IMMP2L: variants seen among roughly 807,000 people sequenced by gnomAD.
IMMP2L encodes mitochondrial inner membrane protease subunit 2.
In IMMP2L, 18 loss-of-function variants were observed where a neutral mutation model predicts 19.3. The observed-to-expected ratio is 0.93, with a 90% CI of 0.64 to 1.38. The LOEUF (loss-of-function observed/expected upper bound fraction) is 1.38, where lower values mean the gene tolerates loss of function less well. IMMP2L is among the 40% of genes most tolerant of loss of function. The probability of loss-of-function intolerance (pLI) is 0.00; values close to 1 mark genes in which losing one functional copy is unlikely to be tolerated. For missense variants in IMMP2L, 233 were observed against 218.2 expected, an observed-to-expected ratio of 1.07 and a Z score of -0.43; for synonymous variants, 76 against 73.0, an observed-to-expected ratio of 1.04 and a Z score of -0.21.
chr7:111,048,378 G>A lies in IMMP2L; in HGVS notation c.240-84813C>T, dbSNP rs377114454. Among the ~76,000 whole-genome samples the A allele has an allele frequency of 1.3e-4, 19 of 151,988 alleles. No individual in the cohort carries two copies. The South Asian group carries it at 4.0e-3, about 32-fold the overall frequency. ...TGCTCTTGTTAACTGGACTCTGCAA[G>A]CAGTGAGCATCTGGGCCTGCTTGGC... is the stretch of plus-strand genomic sequence containing the variant. On this transcript the variant is annotated intron_variant, in intron 3 of 5. Transcript: ENST00000405709.
chr7:111,317,366 C>G lies in IMMP2L; in HGVS notation c.239+169872G>C, dbSNP rs1824221508. Among the ~76,000 whole-genome samples, 5 of 152,062 alleles carry G rather than the reference C, an allele frequency of 3.3e-5. No individual in the cohort carries two copies. The South Asian group carries it at 1.0e-3, about 32-fold the overall frequency. The stretch of plus-strand genomic sequence containing the variant: ...TCATTATTCAGACATAATGTAGAAA[C>G]AAAGGATTTTGCCAAGCTTAATATG... On this transcript the variant is annotated intron_variant, in intron 3 of 5. Coordinates refer to ENST00000405709, the MANE Select transcript of IMMP2L (RefSeq NM_032549.4).
Position 110,797,701 on chromosome 7 carries a change from T to G in IMMP2L, c.408+88892A>C, listed in dbSNP as rs149608212. Among the ~76,000 whole-genome samples the G allele has an allele frequency of 4.7e-3, 721 of 152,112 alleles. 5 individuals carry two copies. The highest frequency in any genetic ancestry group is 0.016 in the African/African-American group (684 of 41,534). ...AACTGATTACTTTATTCACATGCTATTTATTGGTTCCCTGCTATATGGAAG... is the reference window on the plus strand; with the variant it reads ...AACTGATTACTTTATTCACATGCTAGTTATTGGTTCCCTGCTATATGGAAG... On this transcript the variant is annotated intron_variant, in intron 5 of 5. Transcript: ENST00000405709.
At chr7:111,343,445 C>A (rs537702949) in intron 3 of IMMP2L, among the ~76,000 whole-genome samples, 1 of 152,150 alleles carries the variant, frequency 6.6e-6, no homozygotes, top group South Asian at 2.1e-4. Context: ...TATATCCTGT[C>A]CTTTCTAACT....
At chr7:111,403,018 A>C (rs888686827) in intron 3 of IMMP2L, among the ~76,000 whole-genome samples, 5 of 29,964 alleles carry the variant, frequency 1.7e-4, no homozygotes, top group African/African-American at 6.6e-4. Context: ...CGCCAGGCTC[A>C]GGTGATCCTC....
At chr7:111,132,943 T>A (rs1270113569) in intron 3 of IMMP2L, among the ~76,000 whole-genome samples, 1 of 151,992 alleles carries the variant, frequency 6.6e-6, no homozygotes, top group Non-Finnish European at 1.5e-5. Flanking sequence ...ATTCAACGAG[T>A]ACTAAAGTCA....
chr7:111,242,251 C>T (rs553333763), intron 3 of IMMP2L, among the ~76,000 whole-genome samples: 1 of 152,072 alleles, frequency 6.6e-6, no homozygotes, highest in East Asian at 1.9e-4. Flanking sequence ...TAAATCAGTC[C>T]CTTTTAGACG....
At chr7:111,455,545 CA>C (rs1455727254) in intron 3 of IMMP2L, among the ~76,000 whole-genome samples, 7 of 151,312 alleles carry the variant, frequency 4.6e-5, no homozygotes, top group African/African-American at 1.7e-4. Context: ...ATTTTGAATC[CA>C]AATATGAATG....
intron 3 of IMMP2L, among the ~76,000 whole-genome samples, chr7:111,346,650 G>C (rs1827598770): frequency 6.6e-6 from 1 of 152,082 alleles, no homozygotes; most frequent in Admixed American, 6.6e-5. Context: ...AGCCACACTA[G>C]AGACTGAGAG....
At chr7:111,404,963 G>A (rs1004966234) in intron 3 of IMMP2L, among the ~76,000 whole-genome samples, 3 of 152,006 alleles carry the variant, frequency 2.0e-5, no homozygotes, top group African/African-American at 7.2e-5. Flanking sequence ...TTATAGCAAC[G>A]TCAGAAAAAT....
chr7:110,817,105 T>C (rs1415884550), intron 5 of IMMP2L, among the ~76,000 whole-genome samples: 1 of 152,116 alleles, frequency 6.6e-6, no homozygotes, highest in South Asian at 2.1e-4. Flanking sequence ...TTAGAAGTTC[T>C]GGCCAGGGCA....
At chr7:110,785,878 G>A (rs1800041521) in intron 5 of IMMP2L, among the ~76,000 whole-genome samples, 1 of 150,830 alleles carries the variant, frequency 6.6e-6, no homozygotes, top group Admixed American at 6.6e-5. Flanking sequence ...ACATTGATAT[G>A]TATTTTTCTC....
intron 3 of IMMP2L, among the ~76,000 whole-genome samples, chr7:111,365,359 T>C (rs1829670596): frequency 6.6e-6 from 1 of 152,188 alleles, no homozygotes; most frequent in Non-Finnish European, 1.5e-5. Context: ...CATAATGCTT[T>C]ATTTCATCTG....
At chr7:111,177,729 T>C (rs1348586310) in intron 3 of IMMP2L, among the ~76,000 whole-genome samples, 1 of 152,060 alleles carries the variant, frequency 6.6e-6, no homozygotes, top group Non-Finnish European at 1.5e-5. Flanking sequence ...GACAAGCCTT[T>C]GCCCTAAAAT....
chr7:110,811,774 C>G (rs575504474), intron 5 of IMMP2L, among the ~76,000 whole-genome samples: 1 of 151,954 alleles, frequency 6.6e-6, no homozygotes, highest in Non-Finnish European at 1.5e-5. Context: ...TTTCTGGAAA[C>G]AGCATCCTGG....
At chr7:111,181,337 A>T (rs188207013) in intron 3 of IMMP2L, among the ~76,000 whole-genome samples, 53 of 152,152 alleles carry the variant, frequency 3.5e-4, no homozygotes, top group Admixed American at 5.9e-4. Context: ...ATAATCCTAT[A>T]TCTGCATTTT....
Position 111,460,515 on chromosome 7 carries a change from G to C in IMMP2L, c.239+26723C>G, listed in dbSNP as rs571642502. ...TTCATAAGCAAAGGTATTCGTGGGA[G>C]ATTTTTTAATAAATGTTTTCCTTGT... On this transcript the variant is annotated intron_variant, in intron 3 of 5. Transcript: ENST00000405709. 2.0e-5 allele frequency among the ~76,000 whole-genome samples: 3 copies of C among 152,162 alleles called. No homozygotes were observed. In the South Asian group the frequency reaches 6.2e-4, roughly 32 times the overall value.
At chr7:111,488,161 C>T (rs1335810609) in intron 2 of IMMP2L, among the ~76,000 whole-genome samples, 1 of 152,076 alleles carries the variant, frequency 6.6e-6, no homozygotes, top group Non-Finnish European at 1.5e-5. Flanking sequence ...CTAAGATAGC[C>T]TTTTCACTGT....
At chr7:110,918,096 A>G (rs1000250694) in intron 4 of IMMP2L, among the ~76,000 whole-genome samples, 3 of 152,188 alleles carry the variant, frequency 2.0e-5, no homozygotes, top group African/African-American at 7.2e-5. Flanking sequence ...TGTTCAATGT[A>G]CAAGTCTCTC....
intron 3 of IMMP2L, among the ~76,000 whole-genome samples, chr7:111,262,541 C>T (rs992825232): frequency 2.1e-4 from 32 of 152,058 alleles, no homozygotes; most frequent in Admixed American, 6.6e-5. Context: ...CTCTGGACTT[C>T]TAAGTAAATA....
Sources: allele counts gnomAD v4.1 joint callset (sites outside exome capture counted in the v4.1 genomes callset), GRCh38; gene constraint gnomAD v4.1.1; transcripts MANE v1.5; gene names NCBI Gene and HGNC (gene_info 2026-07-23, HGNC 2026-07-21).